MYT1L: variants seen among roughly 807,000 people sequenced by gnomAD.
MYT1L encodes the protein myelin transcription factor 1-like protein.
Under a neutral mutation model 126.7 loss-of-function variants are expected in MYT1L, and 12 were observed. The ratio of observed to expected loss-of-function variants is 0.09; its 90% CI spans 0.06 to 0.15. The LOEUF (loss-of-function observed/expected upper bound fraction) is 0.15, where lower values mean the gene tolerates loss of function less well. MYT1L is among the 10% of genes least tolerant of loss of function. MYT1L has a pLI of 1.00. For missense variants in MYT1L, 979 were observed against 1,585.2 expected (o/e 0.62, Z 6.49); for synonymous variants, 541 against 604.2 (o/e 0.90, Z 1.53).
rs769523623 is a variant in MYT1L at position 1,889,473 on chromosome 2, G to A, written c.2288C>T (p.Pro763Leu). Residue 763 changes from proline to leucine, a missense_variant, in exon 16 of 25, where the codon CCT becomes CTT. Physicochemically the swap from Pro to Leu is moderately conservative, Grantham distance 98. This residue lies in a region of MYT1L where 141 missense variants were observed against 170.6 expected (regional missense o/e 0.83). Transcript: ENST00000647738. This position sits in a 1 kb window ranked among gnomAD's most constrained non-coding sequence, Gnocchi z 4.1. ...CCCGTTCTCATCCACCTCCATGTCAGGGTTCTGTCGGTAGAAAGACATAGT... is the reference window on the plus strand; with the variant it reads ...CCCGTTCTCATCCACCTCCATGTCAAGGTTCTGTCGGTAGAAAGACATAGT... The part of the protein sequence containing the change: ...KPQDLCATRN[P>L]DMEVDENGTL... The A allele has an allele frequency of 6.3e-7, 1 of 1,593,082 alleles. No homozygotes were observed. Among genetic ancestry groups the A allele is most frequent in the African/African-American group, 1.3e-5 (1 of 74,406 alleles).
chr2:2,276,983 TC>T (rs1476264524), intron 2 of MYT1L, among the ~76,000 whole-genome samples: 4 of 148,408 alleles, frequency 2.7e-5, no homozygotes, highest in East Asian at 4.0e-4. Flanking sequence ...TCTTTTTTTT[TC>T]TCTTTTTCTT....
At chr2:1,872,244 G>A (rs1186792164) in intron 18 of MYT1L, among the ~76,000 whole-genome samples, 1 of 152,176 alleles carries the variant, frequency 6.6e-6, no homozygotes, top group Non-Finnish European at 1.5e-5. Flanking sequence ...ATCCACCAGG[G>A]CATGAAAAGT....
chr2:1,954,335 C>G (rs1023059143), intron 8 of MYT1L, among the ~76,000 whole-genome samples: 3 of 152,160 alleles, frequency 2.0e-5, no homozygotes, highest in African/African-American at 7.2e-5. Flanking sequence ...CCATTTGACG[C>G]CCCAGCCACA....
intron 1 of MYT1L, among the ~76,000 whole-genome samples, chr2:2,296,799 C>A (rs913345221): frequency 6.6e-6 from 1 of 152,184 alleles, no homozygotes; most frequent in Non-Finnish European, 1.5e-5. Flanking sequence ...CAGTGCACTG[C>A]GTCAGGAGTA....
At position 1,839,374 on chromosome 2, in the gene MYT1L, TAGGC is replaced by T; in HGVS notation, c.2859-8_2859-5del. On this transcript the variant is annotated splice_region_variant and splice_polypyrimidine_tract_variant and intron_variant, in intron 20 of 24. Coordinates refer to ENST00000647738, the MANE Select transcript of MYT1L (RefSeq NM_001303052.2). ...GTCGCACCCGGGGACCGGACACCTG[TAGGC>T]AGGCAGAGGTGACACACTTTATTGT... 1.2e-6 allele frequency: 2 copies of T among 1,610,632 alleles called. No homozygotes were observed. Among genetic ancestry groups the T allele is most frequent in the Non-Finnish European group, 1.7e-6 (2 of 1,177,966 alleles).
chr2:1,978,805 C>T (rs1377102804), intron 8 of MYT1L, among the ~76,000 whole-genome samples: 1 of 152,094 alleles, frequency 6.6e-6, no homozygotes, highest in African/African-American at 2.4e-5. Context: ...TGTTTACCAT[C>T]CTGCCACTCC....
At chr2:1,913,183 C>A (rs1180228559) in intron 11 of MYT1L, among the ~76,000 whole-genome samples, 4 of 152,204 alleles carry the variant, frequency 2.6e-5, no homozygotes, top group Non-Finnish European at 4.4e-5. Flanking sequence ...GCACTGAATC[C>A]CACATCCACA....
At chr2:2,263,400 C>G (rs2095039163) in intron 2 of MYT1L, among the ~76,000 whole-genome samples, 1 of 152,108 alleles carries the variant, frequency 6.6e-6, no homozygotes, top group Non-Finnish European at 1.5e-5. Flanking sequence ...AATGTATTGC[C>G]TGATGAAGGA....
Position 1,872,272 on chromosome 2 carries a change from G to A in MYT1L, c.2711+14267C>T, listed in dbSNP as rs77669406. Among the ~76,000 whole-genome samples the A allele has an allele frequency of 3.1e-3, 477 of 152,266 alleles. 2 individuals are homozygous for A. Among genetic ancestry groups the A allele is most frequent in the South Asian group, 8.9e-3 (43 of 4,830 alleles). Reference sequence around the variant, plus strand: ...TGAAAAGTGCCTCCGTTTCCATCACGTTCTCACCCTCACACACATGTCATC... The same window carrying A: ...TGAAAAGTGCCTCCGTTTCCATCACATTCTCACCCTCACACACATGTCATC... On this transcript the variant is annotated intron_variant, in intron 18 of 24. Transcript: ENST00000647738.
intron 3 of MYT1L, among the ~76,000 whole-genome samples, chr2:2,077,706 C>T (rs2075371474): frequency 6.6e-6 from 1 of 152,078 alleles, no homozygotes. Flanking sequence ...GAAAGACTAT[C>T]AATAAAGTTC....
intron 4 of MYT1L, among the ~76,000 whole-genome samples, chr2:2,049,576 A>G (rs1004821916): frequency 6.6e-6 from 1 of 152,236 alleles, no homozygotes; most frequent in Non-Finnish European, 1.5e-5. Context: ...AGATAAATAG[A>G]CAGATAGACA....
chr2:2,006,398 A>C (rs917594511), intron 4 of MYT1L, among the ~76,000 whole-genome samples: 3 of 152,290 alleles, frequency 2.0e-5, no homozygotes, highest in Middle Eastern at 3.4e-3. Context: ...CTACTTAGTT[A>C]GCAAAGCCTC....
chr2:2,102,979 T>C (rs1226663989), intron 3 of MYT1L, among the ~76,000 whole-genome samples: 1 of 152,090 alleles, frequency 6.6e-6, no homozygotes, highest in Admixed American at 6.5e-5. Flanking sequence ...AAGTGAGTGC[T>C]CTGTGCAGGG....
chr2:1,979,871 G>A lies in MYT1L; in HGVS notation c.1-94C>T, dbSNP rs1313300419. The A allele has an allele frequency of 7.8e-7, 1 of 1,284,470 alleles. No individual in the cohort carries two copies. Among genetic ancestry groups the A allele is most frequent in the Non-Finnish European group, 1.1e-6 (1 of 896,576 alleles). 79.6% of individuals were successfully genotyped at this position (1,284,470 alleles called of 1,614,324 possible). A position where few individuals can be genotyped will look rare whatever the true frequency, so the allele number is the denominator to read the frequency against. On this transcript the variant is annotated intron_variant, in intron 5 of 24. Coordinates refer to ENST00000647738, the MANE Select transcript of MYT1L (RefSeq NM_001303052.2). This position sits in a 1 kb window ranked among gnomAD's most constrained non-coding sequence, Gnocchi z 4.0. ...CACTCTCCCTGGCATTCTATTAATGGGGCTTTAATCCTGTTTCCCTCCATG... is the reference window on the plus strand; with the variant it reads ...CACTCTCCCTGGCATTCTATTAATGAGGCTTTAATCCTGTTTCCCTCCATG...
In MYT1L at chr2:2,092,605, G is replaced by A. The variant is rs773504086; in HGVS notation, c.-303-38482C>T. Among the ~76,000 whole-genome samples, 13 of 150,962 alleles carry A rather than the reference G, an allele frequency of 8.6e-5. No individual in the cohort carries two copies. The East Asian group carries it at 9.6e-4, about 11-fold the overall frequency. ...AACCTGCAATTTATAAAACATACAC[G>A]ATCCGTGAAGCACAGTAAAGGGAAG... is the stretch of plus-strand genomic sequence containing the variant. On this transcript the variant is annotated intron_variant, in intron 3 of 24. Transcript: ENST00000647738.
At chr2:2,058,990 A>G (rs895413258) in intron 3 of MYT1L, among the ~76,000 whole-genome samples, 2 of 152,230 alleles carry the variant, frequency 1.3e-5, no homozygotes, top group African/African-American at 4.8e-5. Flanking sequence ...TTCAAGTGGA[A>G]TATGAATTGA....
chr2:2,319,684 T>C (rs1367019660), intron 1 of MYT1L, among the ~76,000 whole-genome samples: 2 of 152,120 alleles, frequency 1.3e-5, no homozygotes, highest in Non-Finnish European at 2.9e-5. Flanking sequence ...ATAAGAATGC[T>C]TTAATCTATT....
intron 3 of MYT1L, among the ~76,000 whole-genome samples, chr2:2,085,926 C>A (rs2076310787): frequency 6.6e-6 from 1 of 152,212 alleles, no homozygotes. Flanking sequence ...CCTTTTCTCC[C>A]AGCCCCTCCA....
At chr2:1,991,238 G>T (rs989423730) in intron 5 of MYT1L, among the ~76,000 whole-genome samples, 1 of 152,156 alleles carries the variant, frequency 6.6e-6, no homozygotes, top group Non-Finnish European at 1.5e-5. Context: ...CGGGGCTCCT[G>T]TTGGATCCCA....
Sources: gnomAD v4.1 joint callset for allele counts (sites outside exome capture counted in the v4.1 genomes callset) on GRCh38, gnomAD v4.1.1 for gene constraint, gnomAD v4.1.1 regional missense constraint, Gnocchi (gnomAD v3.1) non-coding constraint, MANE v1.5 for transcripts, NCBI Gene and HGNC (gene_info 2026-07-23, HGNC 2026-07-21) for gene names.